NEO1: variants seen among roughly 807,000 people sequenced by gnomAD.
NEO1 encodes neogenin 1.
A neutral mutation model predicts 159.7 loss-of-function variants in NEO1; 63 were observed. The ratio of observed to expected loss-of-function variants is 0.39; its 90% CI spans 0.32 to 0.49. The LOEUF (loss-of-function observed/expected upper bound fraction) is 0.49. NEO1 is among the 20% of genes least tolerant of loss of function. The pLI, the probability that NEO1 is intolerant of heterozygous loss-of-function variation, is 0.85. For missense variants in NEO1, 1,615 were observed against 1,831.0 expected (o/e 0.88, Z 2.15); for synonymous variants, 633 against 662.0 (o/e 0.96, Z 0.67).
chr15:73,135,863 CTTTTTTTTT>C lies in NEO1; in HGVS notation c.879-16_879-8del. On this transcript the variant is annotated intron_variant, in intron 4 of 28. Transcript: ENST00000261908. ...TTATTTTCCTAGTACTGAAATGTAT[CTTTTTTTTT>C]TTTTTTTTTTTAACACAGCTCTGAA... The C allele has an allele frequency of 7.7e-7, 1 of 1,293,206 alleles. No individual in the cohort carries two copies. The highest frequency in any genetic ancestry group is 9.9e-7 in the Non-Finnish European group (1 of 1,012,020). The allele number at this position is 1,293,206 out of a possible 1,614,324, so 80.1% of individuals were successfully genotyped here. A position where few individuals can be genotyped will look rare whatever the true frequency, so the allele number is the denominator to read the frequency against.
rs114921889 is a variant in NEO1 at position 73,158,778 on chromosome 15, C to T, written c.1016-17625C>T. ...TATAGTGAAATATTACTGCTATGTC[C>T]CAGCCCTCCTCCACAGAAGCAACCA... On this transcript the variant is annotated intron_variant, in intron 5 of 28. Transcript: ENST00000261908. Among the ~76,000 whole-genome samples the T allele has an allele frequency of 8.6e-3, 1,316 of 152,174 alleles. 22 individuals carry two copies. Among genetic ancestry groups the T allele is most frequent in the African/African-American group, 0.03 (1,244 of 41,522 alleles).
chr15:73,078,501 G>A (rs140382509), intron 1 of NEO1, among the ~76,000 whole-genome samples: 1 of 152,280 alleles, frequency 6.6e-6, no homozygotes, highest in Admixed American at 6.5e-5. Context: ...AGTCCACAAA[G>A]GGCTCTGTTT....
intron 8 of NEO1, among the ~76,000 whole-genome samples, chr15:73,241,509 T>C (rs1413562990): frequency 1.3e-5 from 2 of 152,224 alleles, no homozygotes; most frequent in African/African-American, 2.4e-5. Flanking sequence ...CCCTGTCTCA[T>C]TTTTTCGTTT....
chr15:73,293,596 G>A (rs371056004), intron 26 of NEO1, 48 bp downstream of exon 26: 116 of 1,566,752 alleles, frequency 7.4e-5, no homozygotes, highest in East Asian at 4.1e-4. Flanking sequence ...CAAAAGAGTC[G>A]GCAAGCAGAA....
chr15:73,266,980 C>T (rs2040932226), intron 16 of NEO1, among the ~76,000 whole-genome samples: 1 of 152,100 alleles, frequency 6.6e-6, no homozygotes, highest in African/African-American at 2.4e-5. Flanking sequence ...CTCTAAAGGC[C>T]GGGTGCAGTG....
intron 7 of NEO1, among the ~76,000 whole-genome samples, chr15:73,232,844 A>C (rs901063313): frequency 6.6e-6 from 1 of 152,176 alleles, no homozygotes; most frequent in Non-Finnish European, 1.5e-5. Flanking sequence ...CAACAGCAGC[A>C]AAGCCACTGG....
chr15:73,178,185 T>A, intron 6 of NEO1, 122 bp from the exon 7 acceptor site: 3 of 897,884 alleles, frequency 3.3e-6, no homozygotes, highest in Non-Finnish European at 4.9e-6. Context: ...TGGATAATAT[T>A]TAATAATTGG....
intron 7 of NEO1, among the ~76,000 whole-genome samples, chr15:73,194,566 G>A (rs913719986): frequency 6.6e-6 from 1 of 152,090 alleles, no homozygotes; most frequent in African/African-American, 2.4e-5. Context: ...GAAACTAACC[G>A]AGTAAGAACC....
chr15:73,243,234 T>C (rs931446898), intron 8 of NEO1, among the ~76,000 whole-genome samples: 5 of 152,056 alleles, frequency 3.3e-5, no homozygotes, highest in African/African-American at 9.7e-5. Context: ...AAAAGAACTA[T>C]AGAAAATTAC....
rs986176562 is a variant in NEO1, at chr15:73,124,238, A to AT, written c.724+1446dup. Among the ~76,000 whole-genome samples, 50 of 128,928 alleles carry AT rather than the reference A, an allele frequency of 3.9e-4. 1 individual carries two copies. The Admixed American group carries it at 4.1e-3, about 10-fold the overall frequency. 84.6% of individuals were successfully genotyped at this position (128,928 alleles called of 152,430 possible). A position where few individuals can be genotyped will look rare whatever the true frequency, so the allele number is the denominator to read the frequency against. ...CACCACATCTGGCTAATTTTTTTGT[A>AT]TTTTTTTTAGAGATGGATTTTGCCA... On this transcript the variant is annotated intron_variant, in intron 3 of 28. Transcript: ENST00000261908.
chr15:73,255,685 C>G (rs1259034307), intron 13 of NEO1: 2 of 152,268 alleles, frequency 1.3e-5, no homozygotes, highest in African/African-American at 4.8e-5. Flanking sequence ...ATTAGTTTAG[C>G]AGTGCCAAGA....
At chr15:73,299,856 A>G (rs2042546133) in intron 27 of NEO1, 1 of 152,248 alleles carries the variant, frequency 6.6e-6, no homozygotes, top group Non-Finnish European at 1.5e-5. Flanking sequence ...AATCTGGCCT[A>G]ACAGATATGT....
intron 1 of NEO1, among the ~76,000 whole-genome samples, chr15:73,089,963 A>C (rs1263032963): frequency 1.3e-5 from 2 of 152,132 alleles, no homozygotes; most frequent in Non-Finnish European, 2.9e-5. Flanking sequence ...GGACGGACCC[A>C]GTTTACACCA....
chr15:73,188,920 C>A (rs1488451209), intron 7 of NEO1, among the ~76,000 whole-genome samples: 1 of 151,894 alleles, frequency 6.6e-6, no homozygotes, highest in Non-Finnish European at 1.5e-5. Context: ...TAGTGAGACC[C>A]CATCCTCACA....
chr15:73,145,488 G>T (rs556900243), intron 5 of NEO1, among the ~76,000 whole-genome samples: 1 of 152,258 alleles, frequency 6.6e-6, no homozygotes, highest in South Asian at 2.1e-4. Flanking sequence ...AAGTATGCAT[G>T]CAATGATGTA....
intron 7 of NEO1, among the ~76,000 whole-genome samples, chr15:73,210,433 C>T (rs145405581): frequency 6.6e-6 from 1 of 152,302 alleles, no homozygotes; most frequent in South Asian, 2.1e-4. Context: ...TTAGCCCTAA[C>T]CAGGGGCCAA....
chr15:73,072,061 C>G (rs2068562613), intron 1 of NEO1, among the ~76,000 whole-genome samples: 1 of 152,124 alleles, frequency 6.6e-6, no homozygotes. Flanking sequence ...AGCGATTCTC[C>G]TGCCTCAGCC....
At chr15:73,053,336 A>C (rs949506789) in intron 1 of NEO1, among the ~76,000 whole-genome samples, 1 of 152,098 alleles carries the variant, frequency 6.6e-6, no homozygotes, top group Non-Finnish European at 1.5e-5. Flanking sequence ...GAGTCTGCGG[A>C]AGAGCGGGGG....
intron 8 of NEO1, among the ~76,000 whole-genome samples, chr15:73,242,867 C>G (rs183935200): frequency 6.6e-6 from 1 of 152,100 alleles, no homozygotes; most frequent in Admixed American, 6.5e-5. Context: ...GAAAGGCAGG[C>G]GCACTCGGTG....
Sources: allele counts gnomAD v4.1 joint callset (sites outside exome capture counted in the v4.1 genomes callset), GRCh38; gene constraint gnomAD v4.1.1; transcripts MANE v1.5; gene names NCBI Gene and HGNC (gene_info 2026-07-23, HGNC 2026-07-21).